The following CDKAL1 variants were observed in gnomAD, a reference collection of about 807,000 sequenced individuals.
CDKAL1 encodes the protein threonylcarbamoyladenosine tRNA methylthiotransferase.
CDKAL1 carries 32 observed loss-of-function variants against 68.2 expected under a neutral mutation model. That is an observed-to-expected ratio of 0.47 (90% confidence interval 0.35 to 0.63). The LOEUF is 0.63. Among genes scored for constraint, CDKAL1 ranks in the 30% least tolerant of loss-of-function variants. CDKAL1 has a pLI of 0.00. For missense variants in CDKAL1, 606 were observed against 696.7 expected, an observed-to-expected ratio of 0.87 and a Z score of 1.47; for synonymous variants, 234 against 244.3, an observed-to-expected ratio of 0.96 and a Z score of 0.39.
intron 11 of CDKAL1, among the ~76,000 whole-genome samples, chr6:21,062,893 A>T (rs183730258): frequency 3.0e-4 from 39 of 129,660 alleles, no homozygotes; most frequent in African/African-American, 1.1e-3. Flanking sequence ...TCATTCTTTC[A>T]TGTAGAACTG....
chr6:20,890,788 T>C (rs1761352433), intron 9 of CDKAL1, among the ~76,000 whole-genome samples: 1 of 152,198 alleles, frequency 6.6e-6, no homozygotes, highest in Admixed American at 6.5e-5. Context: ...ATTTAGATTA[T>C]AAGTAAAGGC....
chr6:20,793,999 G>T (rs191443655), intron 8 of CDKAL1, among the ~76,000 whole-genome samples: 5 of 151,466 alleles, frequency 3.3e-5, no homozygotes, highest in Non-Finnish European at 5.9e-5. Flanking sequence ...ATACTGCTTT[G>T]CTTATACATA....
intron 4 of CDKAL1, among the ~76,000 whole-genome samples, chr6:20,576,116 A>G (rs183336769): frequency 2.0e-4 from 30 of 152,340 alleles, no homozygotes; most frequent in South Asian, 1.2e-3. Flanking sequence ...AAAAATGAAC[A>G]TTCCAAAACT....
At chr6:20,798,917 C>CAAA (rs200034795) in intron 8 of CDKAL1, among the ~76,000 whole-genome samples, 2 of 103,202 alleles carry the variant, frequency 1.9e-5, no homozygotes, top group Non-Finnish European at 4.2e-5. Flanking sequence ...TATAATAATA[C>CAAA]AAAAAAAAAA....
At chr6:21,001,344 T>C (rs1767418551) in intron 11 of CDKAL1, among the ~76,000 whole-genome samples, 1 of 152,242 alleles carries the variant, frequency 6.6e-6, no homozygotes, top group Non-Finnish European at 1.5e-5. Context: ...CCACCTTTAA[T>C]TAGTCATTTA....
intron 13 of CDKAL1, among the ~76,000 whole-genome samples, chr6:21,168,585 G>A (rs917761528): frequency 2.0e-5 from 3 of 152,194 alleles, no homozygotes; most frequent in Middle Eastern, 3.4e-3. Flanking sequence ...CACCACAATT[G>A]GGAAAAGTGG....
intron 4 of CDKAL1, among the ~76,000 whole-genome samples, chr6:20,617,106 A>T (rs1267544685): frequency 6.6e-6 from 1 of 151,068 alleles, no homozygotes; most frequent in Non-Finnish European, 1.5e-5. Flanking sequence ...TTAATAGTTG[A>T]TGTCTGTGCT....
chr6:20,646,120 A>G (rs1768447423), intron 4 of CDKAL1, among the ~76,000 whole-genome samples: 1 of 130,424 alleles, frequency 7.7e-6, no homozygotes, highest in African/African-American at 3.0e-5. Context: ...GCAGTGGTGC[A>G]ATCTCAGCTC....
intron 8 of CDKAL1, among the ~76,000 whole-genome samples, chr6:20,819,956 C>T (rs879724695): frequency 3.3e-5 from 5 of 152,130 alleles, no homozygotes; most frequent in Admixed American, 1.3e-4. Flanking sequence ...ATGGAGGCTG[C>T]GTAGTAACCG....
chr6:21,002,154 G>A (rs1370184432), intron 11 of CDKAL1, among the ~76,000 whole-genome samples: 2 of 152,098 alleles, frequency 1.3e-5, no homozygotes, highest in Non-Finnish European at 1.5e-5. Flanking sequence ...GCTATATAGA[G>A]GTAAAAAGAT....
In CDKAL1 at chr6:21,165,365, T is replaced by C. The variant is rs78356734; in HGVS notation, c.1300-32656T>C. On this transcript the variant is annotated intron_variant, in intron 13 of 15. Transcript: ENST00000274695. ...TATTGTGAATTCTAAGGTCAAAATATAAAGAGTCAGAAAAATAGCTGATAG... is the reference window on the plus strand; with the variant it reads ...TATTGTGAATTCTAAGGTCAAAATACAAAGAGTCAGAAAAATAGCTGATAG... Among the ~76,000 whole-genome samples the C allele has an allele frequency of 6.2e-3, 941 of 152,310 alleles. 3 individuals are homozygous for C. Among genetic ancestry groups the C allele is most frequent in the Non-Finnish European group, 9.7e-3 (657 of 68,002 alleles).
intron 5 of CDKAL1, among the ~76,000 whole-genome samples, chr6:20,735,173 T>A (rs1402074743): frequency 6.6e-6 from 1 of 152,178 alleles, no homozygotes; most frequent in Non-Finnish European, 1.5e-5. Flanking sequence ...TCCGACCTTC[T>A]CTTTTTTTAA....
intron 10 of CDKAL1, among the ~76,000 whole-genome samples, chr6:20,958,274 G>C (rs1764886877): frequency 1.3e-5 from 2 of 152,174 alleles, no homozygotes; most frequent in Admixed American, 1.3e-4. Context: ...AAAGTAAGAG[G>C]TTTTAAACTC....
chr6:20,599,852 C>G (rs1264121770), intron 4 of CDKAL1, among the ~76,000 whole-genome samples: 1 of 152,058 alleles, frequency 6.6e-6, no homozygotes, highest in Non-Finnish European at 1.5e-5. Flanking sequence ...GTATGATTGT[C>G]AAGATGAAAG....
At chr6:20,883,818 C>T in intron 9 of CDKAL1, among the ~76,000 whole-genome samples, 1 of 152,128 alleles carries the variant, frequency 6.6e-6, no homozygotes, top group Admixed American at 6.5e-5. Flanking sequence ...AGGAGGAAAC[C>T]TTTTGATGGA....
intron 6 of CDKAL1, among the ~76,000 whole-genome samples, chr6:20,745,059 G>T (rs566088938): frequency 6.6e-6 from 1 of 152,348 alleles, no homozygotes; most frequent in African/African-American, 2.4e-5. Context: ...AGCCCTGCAG[G>T]CAGGTGAACA....
At chr6:20,670,993 T>C (rs1189635934) in intron 5 of CDKAL1, among the ~76,000 whole-genome samples, 1 of 152,160 alleles carries the variant, frequency 6.6e-6, no homozygotes, top group Non-Finnish European at 1.5e-5. Flanking sequence ...GAGTGAACTT[T>C]TGCTTATTGA....
intron 10 of CDKAL1, among the ~76,000 whole-genome samples, chr6:20,957,902 C>T (rs1764856440): frequency 7.0e-6 from 1 of 143,398 alleles, no homozygotes; most frequent in Non-Finnish European, 1.5e-5. Context: ...GCCCAAGAGG[C>T]AGAGGTTACA....
chr6:20,832,024 G>C (rs573090772), intron 8 of CDKAL1, among the ~76,000 whole-genome samples: 9 of 152,220 alleles, frequency 5.9e-5, no homozygotes, highest in Admixed American at 3.9e-4. Context: ...CCACCGCTGC[G>C]CTGTCTGTTC....
Sources: gnomAD v4.1 joint callset for allele counts (sites outside exome capture counted in the v4.1 genomes callset) on GRCh38, gnomAD v4.1.1 for gene constraint, MANE v1.5 for transcripts, NCBI Gene and HGNC (gene_info 2026-07-23, HGNC 2026-07-21) for gene names.